GABRG2: variants seen among roughly 807,000 people sequenced by gnomAD.
GABRG2 encodes the protein gamma-aminobutyric acid receptor subunit gamma-2.
A neutral mutation model predicts 56.4 loss-of-function variants in GABRG2; 16 were observed. That is an observed-to-expected ratio of 0.28 (90% CI 0.19 to 0.43). GABRG2 has a LOEUF of 0.43. Among genes scored for constraint, GABRG2 ranks in the 20% least tolerant of loss-of-function variants. The pLI, the probability that GABRG2 is intolerant of heterozygous loss-of-function variation, is 1.00. For missense variants in GABRG2, 327 were observed against 582.7 expected, an observed-to-expected ratio of 0.56 and a Z score of 4.52; for synonymous variants, 208 against 205.5, an observed-to-expected ratio of 1.01 and a Z score of -0.10.
At chr5:162,114,240 A>T (rs752882605) in intron 6 of GABRG2, among the ~76,000 whole-genome samples, 4 of 152,078 alleles carry the variant, frequency 2.6e-5, no homozygotes, top group Non-Finnish European at 5.9e-5. Context: ...CAAAGTCTCT[A>T]CTACTCCCTG....
intron 1 of GABRG2, among the ~76,000 whole-genome samples, chr5:162,075,989 GAAA>G (rs111787104): frequency 1.4e-5 from 2 of 142,064 alleles, no homozygotes; most frequent in African/African-American, 5.2e-5. Flanking sequence ...CCTATTTCAA[GAAA>G]AAAAAAAAAA....
chr5:162,081,795 C>T (rs1384127850), intron 1 of GABRG2, among the ~76,000 whole-genome samples: 11 of 151,860 alleles, frequency 7.2e-5, no homozygotes, highest in Non-Finnish European at 1.3e-4. Context: ...TGAAGCAACT[C>T]GAACTACATA....
chr5:162,143,537 G>A (rs982305297), intron 7 of GABRG2, among the ~76,000 whole-genome samples: 2 of 152,110 alleles, frequency 1.3e-5, no homozygotes, highest in Non-Finnish European at 2.9e-5. Context: ...GCTAGTGGAC[G>A]TGAACAAAAT....
intron 1 of GABRG2, among the ~76,000 whole-genome samples, chr5:162,078,700 C>T (rs1047133411): frequency 2.0e-5 from 3 of 151,522 alleles, no homozygotes; most frequent in African/African-American, 4.8e-5. Flanking sequence ...CCACCGTGCC[C>T]GGCCACCCCG....
intron 6 of GABRG2, among the ~76,000 whole-genome samples, chr5:162,129,809 A>T (rs1445537835): frequency 6.6e-6 from 1 of 152,146 alleles, no homozygotes; most frequent in East Asian, 1.9e-4. Flanking sequence ...TACATATGTC[A>T]ATTTAAATAA....
At chr5:162,140,380 C>T (rs1042746888) in intron 6 of GABRG2, among the ~76,000 whole-genome samples, 1 of 152,144 alleles carries the variant, frequency 6.6e-6, no homozygotes, top group Non-Finnish European at 1.5e-5. Context: ...GGTTAGGGGA[C>T]AGTCTACTCC....
chr5:162,094,304 A>G (rs1329796293), intron 2 of GABRG2: 11 of 345,160 alleles, frequency 3.2e-5, no homozygotes, highest in African/African-American at 4.2e-5. Context: ...AAACAAGACA[A>G]TAACAGTAAA....
chr5:162,081,119 C>T lies in GABRG2; in HGVS notation c.108-12709C>T, dbSNP rs997441766. Among the ~76,000 whole-genome samples, 11 of 151,714 alleles carry T rather than the reference C, an allele frequency of 7.3e-5. No homozygotes were observed. In the East Asian group the frequency reaches 2.1e-3, roughly 29 times the overall value. ...TATTGAACTTAATCTGTGTATAAAT[C>T]CAGGCAAATAGTAAAAAAGAGATTA... On this transcript the variant is annotated intron_variant, in intron 1 of 9. Coordinates refer to ENST00000639213, the MANE Select transcript of GABRG2 (RefSeq NM_198904.4).
At chr5:162,077,446 T>C (rs1249322661) in intron 1 of GABRG2, among the ~76,000 whole-genome samples, 3 of 152,172 alleles carry the variant, frequency 2.0e-5, no homozygotes, top group East Asian at 1.9e-4. Flanking sequence ...CAAACTGTCA[T>C]GAATGTTATT....
intron 8 of GABRG2, chr5:162,151,276 T>A (rs1297494056): frequency 1.3e-5 from 2 of 154,598 alleles, no homozygotes; most frequent in African/African-American, 2.4e-5. Flanking sequence ...GGCAATTAGA[T>A]GATTCATCAG....
chr5:162,093,980 G>T lies in GABRG2; in HGVS notation c.259+1G>T. ...AATAAACTTCGGCCTGATATAGGAGGTTTGTTAAAGTCTTTTGCGTTGTGC... is the reference window on the plus strand; with the variant it reads ...AATAAACTTCGGCCTGATATAGGAGTTTTGTTAAAGTCTTTTGCGTTGTGC... On this transcript the variant is annotated splice_donor_variant, in intron 2 of 9. Transcript: ENST00000639213. LOFTEE classifies it high-confidence loss of function. 1 of 1,613,074 alleles carries T rather than the reference G, an allele frequency of 6.2e-7. No individual in the cohort carries two copies. The highest frequency in any genetic ancestry group is 8.5e-7 in the Non-Finnish European group (1 of 1,179,336).
At chr5:162,080,450 C>T (rs1030186602) in intron 1 of GABRG2, among the ~76,000 whole-genome samples, 1 of 152,018 alleles carries the variant, frequency 6.6e-6, no homozygotes, top group African/African-American at 2.4e-5. Flanking sequence ...AAGAAATAAG[C>T]ACTTGGTGTA....
intron 1 of GABRG2, among the ~76,000 whole-genome samples, chr5:162,091,190 A>C (rs138787951): frequency 4.1e-4 from 62 of 152,132 alleles, no homozygotes; most frequent in African/African-American, 1.4e-3. Flanking sequence ...TATTGCATTA[A>C]AAGTCTTGAA....
chr5:162,122,109 A>G (rs1238125547), intron 6 of GABRG2, among the ~76,000 whole-genome samples: 4 of 152,020 alleles, frequency 2.6e-5, no homozygotes, highest in Non-Finnish European at 1.5e-5. Context: ...CCAGACATAT[A>G]TTTCTTAATT....
At chr5:162,137,335 A>C (rs553233039) in intron 6 of GABRG2, among the ~76,000 whole-genome samples, 1 of 152,352 alleles carries the variant, frequency 6.6e-6, no homozygotes, top group Non-Finnish European at 1.5e-5. Flanking sequence ...TCTTCCTAAA[A>C]GTTCACATCA....
At chr5:162,136,192 C>T (rs114361062) in intron 6 of GABRG2, among the ~76,000 whole-genome samples, 28 of 152,094 alleles carry the variant, frequency 1.8e-4, no homozygotes, top group African/African-American at 1.4e-4. Flanking sequence ...TTAAGCAGTG[C>T]GAATTTCATA....
At chr5:162,101,623 A>G (rs989228595) in intron 5 of GABRG2, 9 of 364,024 alleles carry the variant, frequency 2.5e-5, no homozygotes, top group African/African-American at 4.2e-5. Flanking sequence ...CCCTGGACTC[A>G]ATAGAAAAGG....
intron 6 of GABRG2, among the ~76,000 whole-genome samples, chr5:162,141,783 C>G (rs1287511217): frequency 6.6e-6 from 1 of 152,104 alleles, no homozygotes; most frequent in Non-Finnish European, 1.5e-5. Context: ...GAAATTGTTA[C>G]AAAACCTAGA....
chr5:162,102,554 G>A, intron 5 of GABRG2: 1 of 454,094 alleles, frequency 2.2e-6, no homozygotes, highest in South Asian at 1.6e-5. Flanking sequence ...TTTTGGACAG[G>A]GTCTCGTTCT....
Sources: allele counts gnomAD v4.1 joint callset (sites outside exome capture counted in the v4.1 genomes callset), GRCh38; gene constraint gnomAD v4.1.1; transcripts MANE v1.5; gene names NCBI Gene and HGNC (gene_info 2026-07-23, HGNC 2026-07-21).